DAAM2: variants seen among roughly 807,000 people sequenced by gnomAD.
DAAM2 encodes disheveled-associated activator of morphogenesis 2.
DAAM2 carries 39 observed loss-of-function variants against 120.7 expected under a neutral mutation model. That is an observed-to-expected ratio of 0.32 (90% CI 0.25 to 0.42). The LOEUF (loss-of-function observed/expected upper bound fraction) is 0.42. DAAM2 is among the 10% of genes least tolerant of loss of function. The pLI is 1.00. For missense variants in DAAM2, 1,283 were observed against 1,401.7 expected (o/e 0.92, Z 1.35); for synonymous variants, 488 against 524.9 (o/e 0.93, Z 0.96).
At chr6:39,851,686 C>T (rs750124328) in intron 1 of DAAM2, among the ~76,000 whole-genome samples, 1 of 152,148 alleles carries the variant, frequency 6.6e-6, no homozygotes, top group Non-Finnish European at 1.5e-5. Flanking sequence ...CTTCCTGGCT[C>T]GGAGAGCAAT....
rs1433665493 is a variant in DAAM2, at chr6:39,879,185, C to T, written c.1553C>T (p.Pro518Leu). 1 of 1,547,632 alleles carries T rather than the reference C, an allele frequency of 6.5e-7. No homozygotes were observed. The highest frequency in any genetic ancestry group is 8.7e-7 in the Non-Finnish European group (1 of 1,144,936). ...VAQLSELSTG[P>L]VSSPPPPGGP... is the part of the protein sequence containing the mutation. ...TTTTCTGTTTCCTCACAGACAGGCC[C>T]TGTATCTTCCCCACCACCCCCTGGG... The change falls in exon 14 of 25, where the codon CCT becomes CTT. Residue 518 changes from proline (P) to leucine (L), a missense_variant. Transcript: ENST00000274867.
Position 39,868,904 on chromosome 6 carries a change from A to G in DAAM2, c.844A>G (p.Asn282Asp), listed in dbSNP as rs570981965. Reference protein sequence around the residue: ...NLKTAIMSFINAVLNAGAGED... With the variant: ...NLKTAIMSFIDAVLNAGAGED... ...GAAAACAGCCATCATGTCCTTCATC[A>G]ATGCTGTCCTCAATGCTGGAGCTGG... Residue 282 changes from asparagine (N) to aspartate (D), a missense_variant, in exon 7 of 25, where the codon AAT becomes GAT. This residue lies in a region of DAAM2 where 338 missense variants were observed against 443.9 expected (regional missense o/e 0.76). Transcript: ENST00000274867. 1 of 1,584,018 alleles carries G rather than the reference A, an allele frequency of 6.3e-7. No individual in the cohort carries two copies. The highest frequency in any genetic ancestry group is 8.6e-7 in the Non-Finnish European group (1 of 1,165,070).
At chr6:39,888,442 G>T in intron 16 of DAAM2, 1 of 374,266 alleles carries the variant, frequency 2.7e-6, no homozygotes, top group Non-Finnish European at 5.0e-6. Context: ...AGCTCTGATG[G>T]ATTATCAAGA....
chr6:39,809,867 C>T (rs1331492383), intron 1 of DAAM2, among the ~76,000 whole-genome samples: 1 of 152,172 alleles, frequency 6.6e-6, no homozygotes, highest in East Asian at 1.9e-4. Flanking sequence ...CTTACACAAC[C>T]AGTTCAGCAG....
At chr6:39,802,894 T>C (rs1207314257) in intron 1 of DAAM2, among the ~76,000 whole-genome samples, 2 of 152,280 alleles carry the variant, frequency 1.3e-5, no homozygotes, top group African/African-American at 2.4e-5. Flanking sequence ...TACCCTTCCA[T>C]GATCCTGACT....
At chr6:39,868,072 T>C (rs2504091) in intron 6 of DAAM2, 290,535 of 538,360 alleles carry the variant, frequency 0.54, 80,197 homozygotes, top group South Asian at 0.63. Context: ...GAAATGGACT[T>C]GTCTTCCTTA....
intron 11 of DAAM2, among the ~76,000 whole-genome samples, chr6:39,876,850 G>A (rs753183467): frequency 6.6e-6 from 1 of 151,940 alleles, no homozygotes; most frequent in Non-Finnish European, 1.5e-5. Context: ...AAACCAGTCC[G>A]ACCCTCTGAA....
chr6:39,810,132 A>G (rs1762120365), intron 1 of DAAM2, among the ~76,000 whole-genome samples: 1 of 152,214 alleles, frequency 6.6e-6, no homozygotes, highest in South Asian at 2.1e-4. Context: ...TCCTGGCCAT[A>G]CACATCAAAA....
At chr6:39,810,180 G>C (rs532539254) in intron 1 of DAAM2, among the ~76,000 whole-genome samples, 2 of 152,214 alleles carry the variant, frequency 1.3e-5, no homozygotes, top group Admixed American at 1.3e-4. Flanking sequence ...AGTGGAGTCC[G>C]GGGGGAAGCT....
intron 1 of DAAM2, among the ~76,000 whole-genome samples, chr6:39,812,163 C>G (rs1213505143): frequency 6.6e-6 from 1 of 152,188 alleles, no homozygotes; most frequent in Non-Finnish European, 1.5e-5. Context: ...ACTCCCTGGC[C>G]AGACCCACGG....
At chr6:39,852,064 G>C (rs571164242) in intron 1 of DAAM2, among the ~76,000 whole-genome samples, 2 of 152,318 alleles carry the variant, frequency 1.3e-5, no homozygotes, top group African/African-American at 4.8e-5. Context: ...AGGAGACCTT[G>C]TCCCCACAGG....
chr6:39,882,728 C>T (rs898706661), intron 14 of DAAM2, among the ~76,000 whole-genome samples: 4 of 146,550 alleles, frequency 2.7e-5, no homozygotes, highest in African/African-American at 8.2e-5. Flanking sequence ...CGCACACACA[C>T]ACACATACAC....
intron 7 of DAAM2, among the ~76,000 whole-genome samples, chr6:39,869,513 G>T (rs1163887869): frequency 6.6e-6 from 1 of 152,152 alleles, no homozygotes; most frequent in Non-Finnish European, 1.5e-5. Context: ...CTTGAACCTG[G>T]GAGGCGGAGG....
intron 1 of DAAM2, among the ~76,000 whole-genome samples, chr6:39,830,184 G>A (rs1466876800): frequency 1.3e-5 from 2 of 152,220 alleles, no homozygotes; most frequent in Non-Finnish European, 2.9e-5. Context: ...GGATGCCCAT[G>A]GGGCAATGCT....
intron 1 of DAAM2, among the ~76,000 whole-genome samples, chr6:39,810,384 A>G (rs1762126895): frequency 6.6e-6 from 1 of 152,248 alleles, no homozygotes; most frequent in East Asian, 1.9e-4. Context: ...AAACCTATGT[A>G]ATCAATAGAA....
chr6:39,875,521 C>G, intron 11 of DAAM2, 53 bp downstream of exon 11: 3 of 1,584,188 alleles, frequency 1.9e-6, no homozygotes, highest in African/African-American at 2.7e-5. Context: ...TCATCACTCT[C>G]CCACTCTGGT....
intron 19 of DAAM2, among the ~76,000 whole-genome samples, chr6:39,892,500 T>A (rs1216645920): frequency 6.6e-6 from 1 of 152,132 alleles, no homozygotes; most frequent in African/African-American, 2.4e-5. Context: ...CTGCCTGTGC[T>A]GATGGCACAG....
chr6:39,830,004 C>G (rs1362422628), intron 1 of DAAM2, among the ~76,000 whole-genome samples: 1 of 152,182 alleles, frequency 6.6e-6, no homozygotes, highest in Admixed American at 6.5e-5. Context: ...TCTCATCATT[C>G]CCTGTACAGC....
intron 1 of DAAM2, among the ~76,000 whole-genome samples, chr6:39,801,640 C>T (rs1761866437): frequency 6.6e-6 from 1 of 152,234 alleles, no homozygotes; most frequent in Non-Finnish European, 1.5e-5. Context: ...TCCTTTGTCC[C>T]AAGCACAGGC....
Sources: allele counts gnomAD v4.1 joint callset (sites outside exome capture counted in the v4.1 genomes callset), GRCh38; gene constraint gnomAD v4.1.1; regional missense constraint gnomAD v4.1.1; transcripts MANE v1.5; gene names NCBI Gene and HGNC (gene_info 2026-07-23, HGNC 2026-07-21).